Variants in LIPH observed in about 807,000 individuals in gnomAD.
The protein encoded by LIPH is lipase H, also known as lipase member H.
A neutral mutation model predicts 47.6 loss-of-function variants in LIPH; 32 were observed. The ratio of observed to expected loss-of-function variants is 0.67; its 90% CI spans 0.51 to 0.90. LIPH has a LOEUF of 0.90. LIPH is among the 40% of genes least tolerant of loss of function. The pLI is 0.00. For synonymous variants in LIPH, 190 were observed against 195.6 expected, an observed-to-expected ratio of 0.97 and a Z score of 0.24; for missense variants, 497 against 541.4, an observed-to-expected ratio of 0.92 and a Z score of 0.81.
At chr3:185,538,858 T>G in intron 1 of LIPH, among the ~76,000 whole-genome samples, 1 of 144,112 alleles carries the variant, frequency 6.9e-6, no homozygotes, top group South Asian at 2.1e-4. Flanking sequence ...TATATATACA[T>G]ATATACATAT....
intron 1 of LIPH, among the ~76,000 whole-genome samples, chr3:185,546,497 T>TA (rs879310110): frequency 6.1e-4 from 89 of 145,868 alleles, no homozygotes; most frequent in East Asian, 8.0e-4. Context: ...CCCATCTCTT[T>TA]AAAAAAAAAA....
chr3:185,519,836 C>CAAAA (rs145391972), intron 5 of LIPH, among the ~76,000 whole-genome samples: 2 of 53,828 alleles, frequency 3.7e-5, no homozygotes, highest in African/African-American at 1.6e-4. Context: ...CACTCCATCT[C>CAAAA]AAAAAAAAAA....
chr3:185,529,735 T>C (rs1720251596), intron 3 of LIPH, among the ~76,000 whole-genome samples: 1 of 149,312 alleles, frequency 6.7e-6, no homozygotes, highest in Non-Finnish European at 1.5e-5. Flanking sequence ...ACAAAAAAAT[T>C]AAAAATTTGT....
intron 5 of LIPH, among the ~76,000 whole-genome samples, chr3:185,519,697 G>A (rs375546595): frequency 9.2e-5 from 14 of 151,854 alleles, no homozygotes; most frequent in African/African-American, 2.7e-4. Context: ...TTCGCTGGGC[G>A]TGGTGGTGGG....
intron 8 of LIPH, among the ~76,000 whole-genome samples, chr3:185,513,853 G>A (rs879694757): frequency 9.2e-5 from 14 of 152,014 alleles, no homozygotes. Context: ...AGCCTGGCCA[G>A]CACGGTGAAA....
At chr3:185,520,723 C>T (rs1560159725) in intron 5 of LIPH, among the ~76,000 whole-genome samples, 1 of 152,158 alleles carries the variant, frequency 6.6e-6, no homozygotes, top group Non-Finnish European at 1.5e-5. Context: ...AAAGAACCCT[C>T]ATGCCCATAT....
At chr3:185,536,727 T>C (rs1720514233) in intron 1 of LIPH, among the ~76,000 whole-genome samples, 1 of 151,990 alleles carries the variant, frequency 6.6e-6, no homozygotes, top group Non-Finnish European at 1.5e-5. Context: ...TTAAAGGAAA[T>C]TTACACGTGG....
intron 5 of LIPH, among the ~76,000 whole-genome samples, chr3:185,523,322 T>G (rs1719963698): frequency 6.6e-6 from 1 of 152,224 alleles, no homozygotes; most frequent in Non-Finnish European, 1.5e-5. Flanking sequence ...TAATTTATAT[T>G]TATACTACCT....
chr3:185,516,003 G>A lies in LIPH; in HGVS notation c.982+1064C>T, dbSNP rs149133839. On this transcript the variant is annotated intron_variant, in intron 7 of 9. Transcript: ENST00000296252. The stretch of plus-strand genomic sequence containing the variant: ...AAAACAGTTAGCTGGGCATGGTGGC[G>A]CATGCCCGAAGTCCCAGCTACTTGG... Among the ~76,000 whole-genome samples, 1,370 of 152,078 alleles carry A rather than the reference G, an allele frequency of 9.0e-3. 9 individuals carry two copies. Among genetic ancestry groups the A allele is most frequent in the Non-Finnish European group, 0.013 (850 of 67,958 alleles).
At chr3:185,550,879 T>A (rs1047007449) in intron 1 of LIPH, among the ~76,000 whole-genome samples, 2 of 152,122 alleles carry the variant, frequency 1.3e-5, no homozygotes, top group African/African-American at 4.8e-5. Flanking sequence ...TTTATCTTAA[T>A]TTTTTTAATT....
At chr3:185,511,427 A>C in intron 9 of LIPH, 97 bp downstream of exon 9, 1 of 1,130,902 alleles carries the variant, frequency 8.8e-7, no homozygotes, top group Non-Finnish European at 1.3e-6. Context: ...CATTGTGAAT[A>C]ATAGAGTCTT....
rs754715516 is a variant in LIPH at position 185,535,048 on chromosome 3, A to C, written c.134T>G (p.Leu45Arg). Reference sequence around the variant, plus strand: ...GCAGGTCAGGTTTTTCCTTGTGTAGAGCATCAGCCTCACATTTAGTCCCGT... The same window carrying C: ...GCAGGTCAGGTTTTTCCTTGTGTAGCGCATCAGCCTCACATTTAGTCCCGT... ...VGTGLNVRLM[L>R]YTRKNLTCAQ... is the part of the protein sequence containing the mutation. Residue 45 changes from leucine to arginine, a missense_variant, in exon 2 of 10, where the codon CTC becomes CGC. Physicochemically the swap from Leu to Arg is moderately radical, Grantham distance 102. Coordinates refer to ENST00000296252, the MANE Select transcript of LIPH (RefSeq NM_139248.3). 1 of 1,613,862 alleles carries C rather than the reference A, an allele frequency of 6.2e-7. No individual in the cohort carries two copies. Among genetic ancestry groups the C allele is most frequent in the Non-Finnish European group, 8.5e-7 (1 of 1,179,878 alleles).
chr3:185,511,075 T>G (rs762359740), intron 9 of LIPH, among the ~76,000 whole-genome samples: 12 of 152,264 alleles, frequency 7.9e-5, no homozygotes, highest in Non-Finnish European at 1.5e-4. Flanking sequence ...TTTTTTGTTT[T>G]TATTTTGAGA....
At chr3:185,510,251 T>C (rs1203306032) in intron 9 of LIPH, among the ~76,000 whole-genome samples, 4 of 152,088 alleles carry the variant, frequency 2.6e-5, no homozygotes, top group Non-Finnish European at 4.4e-5. Context: ...GTTCAGTCCC[T>C]AAACTTTTAA....
chr3:185,535,254 G>T, intron 1 of LIPH, 122 bp from the exon 2 acceptor site: 1 of 1,177,664 alleles, frequency 8.5e-7, no homozygotes, highest in Non-Finnish European at 1.2e-6. Flanking sequence ...GCTAAGGGCT[G>T]GATCCAGTTG....
chr3:185,511,286 A>T (rs1254152127), intron 9 of LIPH, among the ~76,000 whole-genome samples: 1 of 151,362 alleles, frequency 6.6e-6, no homozygotes. Flanking sequence ...GGCTGGCTAG[A>T]ACTCCTGAGC....
rs62290245 is a variant in LIPH, at chr3:185,509,120, G to A, written c.1269-243C>T. 0.4 allele frequency among the ~76,000 whole-genome samples: 61,211 copies of A among 151,204 alleles called. 12,596 individuals are homozygous for A. Among genetic ancestry groups the A allele is most frequent in the Middle Eastern group, 0.47 (136 of 290 alleles). ...AGCCTGGCCAACATGGCTAAACCCC[G>A]TCTCTACTAAAAATACAAAAATTAG... On this transcript the variant is annotated intron_variant, in intron 9 of 9. Coordinates refer to ENST00000296252, the MANE Select transcript of LIPH (RefSeq NM_139248.3).
At position 185,539,968 on chromosome 3, in the gene LIPH, G is replaced by A. The variant is rs74573528; in HGVS notation, c.50-4836C>T. ...CAGGCAGGTCATTCCTGCCCATGTGGCACTCTCTAATTGGAAACTTTGGCT... is the reference window on the plus strand; with the variant it reads ...CAGGCAGGTCATTCCTGCCCATGTGACACTCTCTAATTGGAAACTTTGGCT... On this transcript the variant is annotated intron_variant, in intron 1 of 9. Transcript: ENST00000296252. Among the ~76,000 whole-genome samples, 1,241 of 152,290 alleles carry A rather than the reference G, an allele frequency of 8.1e-3. 17 individuals are homozygous for A. The highest frequency in any genetic ancestry group is 0.028 in the African/African-American group (1,169 of 41,562).
intron 5 of LIPH, among the ~76,000 whole-genome samples, chr3:185,522,200 A>G (rs1719914441): frequency 6.6e-6 from 1 of 152,196 alleles, no homozygotes; most frequent in African/African-American, 2.4e-5. Context: ...CAAGCCGGAC[A>G]TAAGAACTGC....
Sources: gnomAD v4.1 joint callset for allele counts (sites outside exome capture counted in the v4.1 genomes callset) on GRCh38, gnomAD v4.1.1 for gene constraint, MANE v1.5 for transcripts, NCBI Gene and HGNC (gene_info 2026-07-23, HGNC 2026-07-21) for gene names.